The following SLC1A1 variants were observed in gnomAD, a reference collection of about 807,000 sequenced individuals.
SLC1A1 encodes solute carrier family 1 member 1, also known as excitatory amino acid transporter 3.
In SLC1A1, 43 loss-of-function variants were observed where a neutral mutation model predicts 53.3. The observed-to-expected ratio is 0.81, with a 90% CI of 0.63 to 1.04. The LOEUF (loss-of-function observed/expected upper bound fraction) is 1.04. Ranked by LOEUF, SLC1A1 falls within the 50% of genes least tolerant of loss-of-function variation. The probability of loss-of-function intolerance (pLI) is 0.00; values close to 1 mark genes in which losing one functional copy is unlikely to be tolerated. For synonymous variants in SLC1A1, 307 were observed against 243.2 expected (o/e 1.26, Z -2.44); for missense variants, 748 against 664.9 (o/e 1.12, Z -1.37).
At chr9:4,545,227 C>T (rs1162921862) in intron 2 of SLC1A1, among the ~76,000 whole-genome samples, 1 of 151,748 alleles carries the variant, frequency 6.6e-6, no homozygotes, top group Non-Finnish European at 1.5e-5. Flanking sequence ...CTCCACCTCT[C>T]TCCACTTGGA....
At chr9:4,546,417 T>C (rs1325733955) in intron 2 of SLC1A1, among the ~76,000 whole-genome samples, 3 of 152,004 alleles carry the variant, frequency 2.0e-5, no homozygotes, top group African/African-American at 7.2e-5. Context: ...TCCAAATTGC[T>C]GGCTTTCTCT....
chr9:4,528,631 T>A (rs924980392), intron 1 of SLC1A1, among the ~76,000 whole-genome samples: 2 of 152,150 alleles, frequency 1.3e-5, no homozygotes, highest in African/African-American at 4.8e-5. Context: ...TTGAGAGTAT[T>A]CTGGTTTAAG....
rs369154772 is a variant in SLC1A1, at chr9:4,576,230, G to C, written c.998+107G>C. ...GCTTGCGGTTTTTGTAGCTGTCTTT[G>C]AGAAATGACCTCCGTATTCTCGGCC... On this transcript the variant is annotated intron_variant, in intron 9 of 11. Transcript: ENST00000262352. 2.3e-4 allele frequency: 245 copies of C among 1,076,164 alleles called. No homozygotes were observed. The African/African-American group carries it at 3.3e-3, about 14-fold the overall frequency. The allele number at this position is 1,076,164 out of a possible 1,614,324, so 66.7% of individuals were successfully genotyped here. A position where few individuals can be genotyped will look rare whatever the true frequency, so the allele number is the denominator to read the frequency against.
intron 1 of SLC1A1, among the ~76,000 whole-genome samples, chr9:4,540,703 A>G (rs1816929449): frequency 6.6e-6 from 1 of 152,222 alleles, no homozygotes; most frequent in Non-Finnish European, 1.5e-5. Context: ...TGCCCCTGCC[A>G]GTGACAAAGC....
intron 8 of SLC1A1, 84 bp from the exon 9 acceptor site, chr9:4,575,917 A>C (rs899836318): frequency 6.6e-7 from 1 of 1,516,190 alleles, no homozygotes; most frequent in African/African-American, 1.4e-5. Context: ...CAATTTTATA[A>C]ATTAAAAAGA....
At chr9:4,564,539 T>G in intron 4 of SLC1A1, 81 bp downstream of exon 4, 1 of 839,256 alleles carries the variant, frequency 1.2e-6, no homozygotes. Context: ...TATTCTGCTG[T>G]TACTGTATTG....
At chr9:4,535,389 T>C (rs563081169) in intron 1 of SLC1A1, among the ~76,000 whole-genome samples, 2 of 152,184 alleles carry the variant, frequency 1.3e-5, no homozygotes, top group Admixed American at 1.3e-4. Context: ...GTGCAAAAAA[T>C]CACAAGCATT....
intron 1 of SLC1A1, among the ~76,000 whole-genome samples, chr9:4,534,230 A>G (rs1165489732): frequency 6.6e-6 from 1 of 152,210 alleles, no homozygotes; most frequent in East Asian, 1.9e-4. Context: ...TGAAGGAAAT[A>G]GAGACACAAA....
chr9:4,506,099 T>G (rs542499756), intron 1 of SLC1A1, among the ~76,000 whole-genome samples: 1 of 152,284 alleles, frequency 6.6e-6, no homozygotes, highest in African/African-American at 2.4e-5. Flanking sequence ...TTGCTGGGAT[T>G]ACAGGCTCCT....
Position 4,586,195 on chromosome 9 carries a change from C to G in SLC1A1, c.*637C>G, listed in dbSNP as rs1198001192. On this transcript the variant is annotated 3_prime_UTR_variant, in exon 12 of 12. Transcript: ENST00000262352. The stretch of plus-strand genomic sequence containing the variant: ...TATTGGGACGCTGGTAACTGTTAAC[C>G]CAGTGTTCAGCATAGAGCTATATAT... 6.5e-6 allele frequency: 1 copy of G among 153,886 alleles called. No homozygotes were observed. The highest frequency in any genetic ancestry group is 2.4e-5 in the African/African-American group (1 of 41,090). 9.5% of individuals were successfully genotyped at this position (153,886 alleles called of 1,614,324 possible).
intron 1 of SLC1A1, among the ~76,000 whole-genome samples, chr9:4,498,361 T>A (rs1389839276): frequency 6.6e-6 from 1 of 152,196 alleles, no homozygotes; most frequent in African/African-American, 2.4e-5. Flanking sequence ...TAATAGAAGG[T>A]CTAATATATG....
intron 1 of SLC1A1, among the ~76,000 whole-genome samples, chr9:4,503,296 G>C (rs961664202): frequency 2.0e-5 from 3 of 151,848 alleles, no homozygotes; most frequent in Non-Finnish European, 4.4e-5. Context: ...AAGATGAAAA[G>C]TATTGTTTGT....
At chr9:4,515,350 T>G (rs1436085253) in intron 1 of SLC1A1, among the ~76,000 whole-genome samples, 2 of 152,174 alleles carry the variant, frequency 1.3e-5, no homozygotes, top group African/African-American at 2.4e-5. Context: ...AGGCCTATTT[T>G]TAAAGTACCA....
intron 1 of SLC1A1, 96 bp from the exon 2 acceptor site, chr9:4,544,471 T>C (rs1735560317): frequency 1.3e-5 from 14 of 1,079,114 alleles, no homozygotes; most frequent in Non-Finnish European, 1.9e-5. Context: ...TTTCTTGCCA[T>C]TAAAATGTGC....
intron 1 of SLC1A1, among the ~76,000 whole-genome samples, chr9:4,534,948 A>G (rs1816618317): frequency 2.6e-5 from 4 of 152,106 alleles, no homozygotes; most frequent in African/African-American, 9.7e-5. Context: ...CAGAACCAAC[A>G]ACAAAAACCA....
chr9:4,545,187 A>ACGTCTCTCTCTCTCTC (rs1482539598), intron 2 of SLC1A1, among the ~76,000 whole-genome samples: 104 of 49,034 alleles, frequency 2.1e-3, no homozygotes, highest in African/African-American at 6.4e-3. Flanking sequence ...AATACATTAG[A>ACGTCTCTCTCTCTCTC]TGTCTCTCTC....
chr9:4,531,843 C>T (rs988003578), intron 1 of SLC1A1, among the ~76,000 whole-genome samples: 5 of 152,128 alleles, frequency 3.3e-5, no homozygotes, highest in African/African-American at 7.2e-5. Context: ...GGCAGGGTAA[C>T]CCTCTGAGAC....
chr9:4,522,682 A>C (rs993496280), intron 1 of SLC1A1, among the ~76,000 whole-genome samples: 3 of 152,210 alleles, frequency 2.0e-5, no homozygotes, highest in African/African-American at 4.8e-5. Flanking sequence ...AAGGGGAAGC[A>C]GGCACCTTCT....
At chr9:4,524,668 TAGAG>T (rs1457602989) in intron 1 of SLC1A1, among the ~76,000 whole-genome samples, 1 of 152,190 alleles carries the variant, frequency 6.6e-6, no homozygotes, top group Non-Finnish European at 1.5e-5. Flanking sequence ...CAAAATATGA[TAGAG>T]AAAGTCATCT....
Sources: gnomAD v4.1 joint callset for allele counts (sites outside exome capture counted in the v4.1 genomes callset) on GRCh38, gnomAD v4.1.1 for gene constraint, MANE v1.5 for transcripts, NCBI Gene and HGNC (gene_info 2026-07-23, HGNC 2026-07-21) for gene names.